The following ATF7IP2 variants were observed in gnomAD, a reference collection of about 807,000 sequenced individuals.
ATF7IP2 encodes the protein activating transcription factor 7 interacting protein 2.
A neutral mutation model predicts 64.2 loss-of-function variants in ATF7IP2; 42 were observed. That is an observed-to-expected ratio of 0.65 (90% CI 0.51 to 0.85). The LOEUF (loss-of-function observed/expected upper bound fraction) is 0.85, where lower values mean the gene tolerates loss of function less well. Ranked by LOEUF, ATF7IP2 falls within the 40% of genes least tolerant of loss-of-function variation. The probability of loss-of-function intolerance (pLI) is 0.00; values close to 1 mark genes in which losing one functional copy is unlikely to be tolerated. For synonymous variants in ATF7IP2, 308 were observed against 272.8 expected (o/e 1.13, Z -1.27); for missense variants, 933 against 784.2 (o/e 1.19, Z -2.27).
chr16:10,449,738 C>CT (rs889594967), intron 8 of ATF7IP2: 5 of 151,838 alleles, frequency 3.3e-5, no homozygotes, highest in Admixed American at 2.6e-4. Context: ...TTTGTTGGAT[C>CT]TTTTTTAAGA....
intron 3 of ATF7IP2, among the ~76,000 whole-genome samples, chr16:10,423,113 G>A (rs926175824): frequency 2.0e-5 from 3 of 152,146 alleles, no homozygotes; most frequent in African/African-American, 7.2e-5. Context: ...GCGTGGTGGC[G>A]GGCACCTGTA....
chr16:10,411,313 C>T (rs1036550522), intron 1 of ATF7IP2, among the ~76,000 whole-genome samples: 4 of 148,562 alleles, frequency 2.7e-5, no homozygotes, highest in East Asian at 1.9e-4. Flanking sequence ...ATGCCTGGTA[C>T]GATTCAGCTG....
chr16:10,466,631 A>C (rs899890889), intron 9 of ATF7IP2, among the ~76,000 whole-genome samples: 3 of 152,292 alleles, frequency 2.0e-5, no homozygotes, highest in African/African-American at 7.2e-5. Context: ...GCAAATTTGC[A>C]TGTTAGCCAT....
chr16:10,429,410 G>A (rs552624475), intron 4 of ATF7IP2, among the ~76,000 whole-genome samples: 1 of 152,344 alleles, frequency 6.6e-6, no homozygotes, highest in Admixed American at 6.5e-5. Context: ...GAGTACAATG[G>A]CACGATCTCG....
intron 2 of ATF7IP2, among the ~76,000 whole-genome samples, chr16:10,418,299 C>A (rs901049313): frequency 1.3e-5 from 2 of 152,196 alleles, no homozygotes; most frequent in African/African-American, 4.8e-5. Context: ...TCTGGTAAAC[C>A]AACAACCTTC....
At chr16:10,468,671 C>T (rs2049672918) in intron 9 of ATF7IP2, among the ~76,000 whole-genome samples, 1 of 152,084 alleles carries the variant, frequency 6.6e-6, no homozygotes, top group Admixed American at 6.5e-5. Context: ...AGATAGAGCT[C>T]TGAAGATCTG....
intron 5 of ATF7IP2, among the ~76,000 whole-genome samples, chr16:10,432,689 C>T (rs1371942986): frequency 2.6e-5 from 4 of 152,144 alleles, no homozygotes; most frequent in Admixed American, 6.5e-5. Context: ...GCCAACATGG[C>T]GAAACCCCGT....
chr16:10,475,113 C>G (rs552272167), intron 12 of ATF7IP2, among the ~76,000 whole-genome samples: 20 of 151,630 alleles, frequency 1.3e-4, no homozygotes, highest in Non-Finnish European at 2.1e-4. Flanking sequence ...GGAAATTCTT[C>G]AAATGATAGT....
At chr16:10,470,231 T>TAC (rs755432654) in intron 9 of ATF7IP2, among the ~76,000 whole-genome samples, 14 of 152,028 alleles carry the variant, frequency 9.2e-5, no homozygotes, top group Non-Finnish European at 1.6e-4. Flanking sequence ...ATTATATATA[T>TAC]ACACACACAC....
chr16:10,399,411 C>G (rs1052463976), intron 1 of ATF7IP2, among the ~76,000 whole-genome samples: 1 of 152,122 alleles, frequency 6.6e-6, no homozygotes, highest in Non-Finnish European at 1.5e-5. Flanking sequence ...ATATGTTAAT[C>G]CAGTTTTCCC....
At chr16:10,423,720 C>T (rs930117079) in intron 3 of ATF7IP2, among the ~76,000 whole-genome samples, 1 of 152,196 alleles carries the variant, frequency 6.6e-6, no homozygotes, top group Admixed American at 6.5e-5. Flanking sequence ...CAAACCTGCT[C>T]TGTTACCTCT....
chr16:10,395,198 C>CA (rs1299992058), intron 1 of ATF7IP2, among the ~76,000 whole-genome samples: 4 of 151,402 alleles, frequency 2.6e-5, no homozygotes, highest in African/African-American at 9.7e-5. Context: ...AGAATAATTC[C>CA]AATTGTATGG....
intron 9 of ATF7IP2, among the ~76,000 whole-genome samples, chr16:10,467,471 C>G (rs1051616016): frequency 5.9e-5 from 9 of 151,948 alleles, no homozygotes; most frequent in African/African-American, 2.2e-4. Context: ...AAAAATACAG[C>G]TATCAGTCTT....
intron 8 of ATF7IP2, among the ~76,000 whole-genome samples, chr16:10,442,699 A>G (rs1377835262): frequency 1.3e-5 from 2 of 152,148 alleles, no homozygotes; most frequent in African/African-American, 4.8e-5. Flanking sequence ...AAGGTAAAAC[A>G]TTGGGTTCCT....
chr16:10,411,162 G>T (rs922069485), intron 1 of ATF7IP2, among the ~76,000 whole-genome samples: 2 of 152,084 alleles, frequency 1.3e-5, no homozygotes, highest in Non-Finnish European at 2.9e-5. Context: ...AGGGATGTTG[G>T]TCTGTAGTTT....
chr16:10,458,277 G>A (rs558008675), intron 9 of ATF7IP2, among the ~76,000 whole-genome samples: 1 of 152,322 alleles, frequency 6.6e-6, no homozygotes, highest in Non-Finnish European at 1.5e-5. Context: ...TGCTGTGAAG[G>A]AGGCATTTAG....
chr16:10,443,157 A>G (rs1399403232), intron 8 of ATF7IP2, among the ~76,000 whole-genome samples: 1 of 152,190 alleles, frequency 6.6e-6, no homozygotes, highest in East Asian at 1.9e-4. Flanking sequence ...ACCACAACAC[A>G]TCCACTCGAG....
chr16:10,414,213 G>T (rs867331699), intron 1 of ATF7IP2, among the ~76,000 whole-genome samples: 1 of 152,206 alleles, frequency 6.6e-6, no homozygotes, highest in Middle Eastern at 3.4e-3. Flanking sequence ...CCTCAGGAAT[G>T]CTGATTATTC....
At chr16:10,425,423 C>T (rs2141854428) in intron 3 of ATF7IP2, among the ~76,000 whole-genome samples, 1 of 149,152 alleles carries the variant, frequency 6.7e-6, no homozygotes, top group East Asian at 2.0e-4. Flanking sequence ...AGATTCAGAT[C>T]TTAAAAAAAA....
Sources: gnomAD v4.1 joint callset for allele counts (sites outside exome capture counted in the v4.1 genomes callset) on GRCh38, gnomAD v4.1.1 for gene constraint, MANE v1.5 for transcripts, NCBI Gene and HGNC (gene_info 2026-07-23, HGNC 2026-07-21) for gene names.